Variants in PCDH15 observed in about 807,000 individuals in gnomAD.
PCDH15 encodes protocadherin-15.
A neutral mutation model predicts 178.5 loss-of-function variants in PCDH15; 129 were observed. The ratio of observed to expected loss-of-function variants is 0.72; its 90% CI spans 0.63 to 0.84. The LOEUF is 0.84. PCDH15 is among the 40% of genes least tolerant of loss of function. The pLI, the probability that PCDH15 is intolerant of heterozygous loss-of-function variation, is 0.00. For synonymous variants in PCDH15, 800 were observed against 732.0 expected (o/e 1.09, Z -1.50); for missense variants, 2,230 against 2,099.9 (o/e 1.06, Z -1.21).
At chr10:54,610,435 C>T (rs2092923955) in intron 2 of PCDH15, among the ~76,000 whole-genome samples, 1 of 151,872 alleles carries the variant, frequency 6.6e-6, no homozygotes, top group African/African-American at 2.4e-5. Context: ...ATAAGCAAAA[C>T]TCAATTTCAA....
intron 2 of PCDH15, among the ~76,000 whole-genome samples, chr10:55,149,838 T>A (rs568555370): frequency 3.3e-5 from 5 of 152,046 alleles, no homozygotes; most frequent in Non-Finnish European, 7.4e-5. Flanking sequence ...TGGAAATACA[T>A]CATGTTCTTA....
chr10:55,093,906 G>T (rs1591898180), intron 2 of PCDH15, among the ~76,000 whole-genome samples: 1 of 152,106 alleles, frequency 6.6e-6, no homozygotes, highest in Non-Finnish European at 1.5e-5. Flanking sequence ...GTGCTGGAGA[G>T]GATGTGGAGA....
At chr10:55,409,569 G>A (rs1198888270) in intron 2 of PCDH15, among the ~76,000 whole-genome samples, 1 of 151,898 alleles carries the variant, frequency 6.6e-6, no homozygotes, top group Non-Finnish European at 1.5e-5. Flanking sequence ...CATGCAAGTG[G>A]GTGCTCATAT....
At chr10:54,730,511 T>A (rs1274796868) in intron 1 of PCDH15, among the ~76,000 whole-genome samples, 1 of 151,548 alleles carries the variant, frequency 6.6e-6, no homozygotes, top group Admixed American at 6.6e-5. Context: ...ATTTACCTTG[T>A]AGAAAACATG....
intron 8 of PCDH15, among the ~76,000 whole-genome samples, chr10:54,286,251 T>C (rs1316319383): frequency 6.6e-6 from 1 of 152,206 alleles, no homozygotes; most frequent in Admixed American, 6.5e-5. Context: ...ATGGATATGC[T>C]GTATACCCTG....
At chr10:55,338,833 T>C (rs185377908) in intron 2 of PCDH15, among the ~76,000 whole-genome samples, 4 of 151,958 alleles carry the variant, frequency 2.6e-5, no homozygotes, top group Admixed American at 1.3e-4. Flanking sequence ...GGCAACAACG[T>C]GGATGGAACT....
chr10:54,090,080 T>C lies in PCDH15; in HGVS notation c.1918-17A>G, dbSNP rs761327334. ...ATCAGTTGCCTTCAGAGAGAAAACA[T>C]AATTCAATTATCAAGTAATTGATAT... On this transcript the variant is annotated splice_polypyrimidine_tract_variant and intron_variant, in intron 15 of 37. Coordinates refer to ENST00000644397, the MANE Select transcript of PCDH15 (RefSeq NM_001384140.1). The C allele has an allele frequency of 1.3e-6, 2 of 1,583,160 alleles. No homozygotes were observed. The highest frequency in any genetic ancestry group is 2.2e-5 in the South Asian group (2 of 90,448).
chr10:54,262,133 T>C, intron 8 of PCDH15, among the ~76,000 whole-genome samples: 1 of 152,098 alleles, frequency 6.6e-6, no homozygotes, highest in Non-Finnish European at 1.5e-5. Context: ...GTAGGAGAGC[T>C]GCCTCGAGCA....
chr10:54,382,617 ATG>A (rs1949382085), intron 3 of PCDH15, among the ~76,000 whole-genome samples: 1 of 152,108 alleles, frequency 6.6e-6, no homozygotes, highest in South Asian at 2.1e-4. Context: ...ACATGTGTCT[ATG>A]TGTCTGTATA....
chr10:54,202,806 C>A (rs557827053), intron 10 of PCDH15, among the ~76,000 whole-genome samples: 1 of 99,248 alleles, frequency 1.0e-5, no homozygotes, highest in South Asian at 3.9e-4. Context: ...GAGCGAAACC[C>A]CACCTCAAAA....
intron 1 of PCDH15, among the ~76,000 whole-genome samples, chr10:55,183,196 A>G (rs1839699717): frequency 6.6e-6 from 1 of 151,978 alleles, no homozygotes; most frequent in Non-Finnish European, 1.5e-5. Flanking sequence ...TCTCAGTTTC[A>G]TATATTTTGC....
At chr10:54,933,140 G>A (rs150668110) in intron 2 of PCDH15, among the ~76,000 whole-genome samples, 3 of 152,234 alleles carry the variant, frequency 2.0e-5, no homozygotes, top group Admixed American at 1.3e-4. Flanking sequence ...GCCTATGTGT[G>A]TAGACAACAT....
intron 2 of PCDH15, among the ~76,000 whole-genome samples, chr10:55,464,412 G>T (rs1445236892): frequency 1.3e-5 from 2 of 151,622 alleles, no homozygotes; most frequent in Non-Finnish European, 2.9e-5. Context: ...GGAAAACAAT[G>T]AAAGAAAAAA....
At chr10:54,958,651 C>T (rs1477545245) in intron 2 of PCDH15, among the ~76,000 whole-genome samples, 1 of 151,124 alleles carries the variant, frequency 6.6e-6, no homozygotes, top group Non-Finnish European at 1.5e-5. Flanking sequence ...ACAAAGCTGC[C>T]AAGTATAGTA....
At chr10:53,959,884 A>G (rs776633403) in intron 22 of PCDH15, 40 bp from the exon 23 acceptor site, 10 of 1,494,848 alleles carry the variant, frequency 6.7e-6, no homozygotes, top group Non-Finnish European at 8.4e-6. Context: ...GATTATAAGT[A>G]AGAACAGCGT....
At chr10:54,226,085 T>C (rs2053412460) in intron 9 of PCDH15, among the ~76,000 whole-genome samples, 1 of 152,094 alleles carries the variant, frequency 6.6e-6, no homozygotes, top group Admixed American at 6.5e-5. Context: ...TTATGCAAAT[T>C]TGTTGTTTTA....
At position 54,297,226 on chromosome 10, in the gene PCDH15, C is replaced by T. The variant is rs188409651; in HGVS notation, c.876+20045G>A. On this transcript the variant is annotated intron_variant, in intron 8 of 37. Coordinates refer to ENST00000644397, the MANE Select transcript of PCDH15 (RefSeq NM_001384140.1). The stretch of plus-strand genomic sequence containing the variant: ...TTTTGTCTTTCAGATGGGAAACACT[C>T]AGGCATCAATGGGCTCACCCTTGAA... Among the ~76,000 whole-genome samples, 3 of 152,268 alleles carry T rather than the reference C, an allele frequency of 2.0e-5. No individual in the cohort carries two copies. In the East Asian group the frequency reaches 5.8e-4, roughly 29 times the overall value.
rs565398213 is a variant in PCDH15, at chr10:53,891,353, C to G, written c.3501+11890G>C. 2.6e-5 allele frequency among the ~76,000 whole-genome samples: 4 copies of G among 152,266 alleles called. 1 individual carries two copies. In the South Asian group the frequency reaches 8.3e-4, roughly 32 times the overall value. The stretch of plus-strand genomic sequence containing the variant: ...TTGAAACATAATATAGGAGAGTACA[C>G]ACAATCATCACTACTCTAAAACTTA... On this transcript the variant is annotated intron_variant, in intron 26 of 37. Coordinates refer to ENST00000644397, the MANE Select transcript of PCDH15 (RefSeq NM_001384140.1).
intron 2 of PCDH15, among the ~76,000 whole-genome samples, chr10:54,901,005 CA>C (rs1340219629): frequency 2.0e-5 from 3 of 152,132 alleles, no homozygotes; most frequent in African/African-American, 7.2e-5. Context: ...TAACAATAAC[CA>C]AGTGAATATT....
Sources: gnomAD v4.1 joint callset for allele counts (sites outside exome capture counted in the v4.1 genomes callset) on GRCh38, gnomAD v4.1.1 for gene constraint, MANE v1.5 for transcripts, NCBI Gene and HGNC (gene_info 2026-07-23, HGNC 2026-07-21) for gene names.